Variants in PDZRN4 observed in about 807,000 individuals in gnomAD.
PDZRN4 encodes PDZ domain containing ring finger 4, also known as PDZ domain-containing RING finger protein 4.
Under a neutral mutation model 99.0 loss-of-function variants are expected in PDZRN4, and 70 were observed. The observed-to-expected ratio is 0.71, with a 90% confidence interval of 0.58 to 0.86. The LOEUF (loss-of-function observed/expected upper bound fraction) is 0.86. Ranked by LOEUF, PDZRN4 falls within the 40% of genes least tolerant of loss-of-function variation. PDZRN4 has a pLI of 0.00. For missense variants in PDZRN4, 1,474 were observed against 1,331.2 expected (o/e 1.11, Z -1.67); for synonymous variants, 551 against 501.6 (o/e 1.10, Z -1.32).
At chr12:41,217,630 C>G (rs1388668843) in intron 3 of PDZRN4, among the ~76,000 whole-genome samples, 1 of 152,038 alleles carries the variant, frequency 6.6e-6, no homozygotes, top group Non-Finnish European at 1.5e-5. Flanking sequence ...TGTTAAAAAT[C>G]AGTTTAGCCT....
chr12:41,424,787 T>C (rs1388457226), intron 3 of PDZRN4, among the ~76,000 whole-genome samples: 1 of 152,176 alleles, frequency 6.6e-6, no homozygotes, highest in African/African-American at 2.4e-5. Flanking sequence ...TTCCACTATG[T>C]GACTTTGTTA....
intron 3 of PDZRN4, among the ~76,000 whole-genome samples, chr12:41,396,671 C>T (rs1952248324): frequency 6.6e-6 from 1 of 152,096 alleles, no homozygotes; most frequent in Admixed American, 6.6e-5. Flanking sequence ...AGATCCACTT[C>T]CAAGATCCAC....
intron 3 of PDZRN4, among the ~76,000 whole-genome samples, chr12:41,369,874 T>A (rs1462835238): frequency 6.6e-6 from 1 of 151,888 alleles, no homozygotes; most frequent in Non-Finnish European, 1.5e-5. Flanking sequence ...TATACCAGAT[T>A]AATCAAAATA....
chr12:41,446,555 G>A (rs932766587), intron 3 of PDZRN4, among the ~76,000 whole-genome samples: 1 of 151,712 alleles, frequency 6.6e-6, no homozygotes, highest in Non-Finnish European at 1.5e-5. Flanking sequence ...GCAAAGTTTG[G>A]GAAAGAGCAT....
At chr12:41,531,001 T>G (rs1938651376) in intron 5 of PDZRN4, among the ~76,000 whole-genome samples, 1 of 151,942 alleles carries the variant, frequency 6.6e-6, no homozygotes, top group African/African-American at 2.4e-5. Context: ...GGGGTAGATA[T>G]TTACAGCTCC....
At chr12:41,272,596 A>G (rs1335295461) in intron 3 of PDZRN4, among the ~76,000 whole-genome samples, 1 of 152,084 alleles carries the variant, frequency 6.6e-6, no homozygotes, top group African/African-American at 2.4e-5. Flanking sequence ...CTCAGGAGGC[A>G]AAGGCACTGG....
At chr12:41,275,167 G>A (rs1364329473) in intron 3 of PDZRN4, among the ~76,000 whole-genome samples, 2 of 152,054 alleles carry the variant, frequency 1.3e-5, no homozygotes, top group Non-Finnish European at 2.9e-5. Flanking sequence ...TATGCCTAAC[G>A]ACAGTTATCC....
intron 3 of PDZRN4, among the ~76,000 whole-genome samples, chr12:41,268,659 G>A (rs1449871679): frequency 6.6e-6 from 1 of 152,052 alleles, no homozygotes; most frequent in African/African-American, 2.4e-5. Flanking sequence ...CAGCACATTA[G>A]GAAATCACAT....
Position 41,269,706 on chromosome 12 carries a change from G to A in PDZRN4, c.843+75518G>A, listed in dbSNP as rs114232048. 1.0e-3 allele frequency among the ~76,000 whole-genome samples: 158 copies of A among 152,218 alleles called. 1 individual carries two copies. Among genetic ancestry groups the A allele is most frequent in the African/African-American group, 3.7e-3 (154 of 41,546 alleles). On this transcript the variant is annotated intron_variant, in intron 3 of 9. Coordinates refer to ENST00000402685, the MANE Select transcript of PDZRN4 (RefSeq NM_001164595.2). ...AAGACTCTATATGCCATATTTTGAA[G>A]TTTTCCACTGTATCAGACTGTGTTG... is the stretch of plus-strand genomic sequence containing the variant.
chr12:41,513,090 T>C (rs1938336981), intron 5 of PDZRN4, among the ~76,000 whole-genome samples: 1 of 152,076 alleles, frequency 6.6e-6, no homozygotes, highest in Admixed American at 6.6e-5. Flanking sequence ...AGTACTTATA[T>C]ACAGACTTAG....
At chr12:41,492,519 T>C (rs1295094244) in intron 3 of PDZRN4, among the ~76,000 whole-genome samples, 1 of 152,166 alleles carries the variant, frequency 6.6e-6, no homozygotes, top group African/African-American at 2.4e-5. Context: ...AACTTTGCTT[T>C]GTGATTTGAG....
At chr12:41,467,620 G>A (rs1388479878) in intron 3 of PDZRN4, among the ~76,000 whole-genome samples, 1 of 152,172 alleles carries the variant, frequency 6.6e-6, no homozygotes, top group Non-Finnish European at 1.5e-5. Context: ...GAACACAGCA[G>A]TGTTTTGCAG....
At chr12:41,414,939 T>G (rs972197719) in intron 3 of PDZRN4, among the ~76,000 whole-genome samples, 2 of 152,084 alleles carry the variant, frequency 1.3e-5, no homozygotes, top group African/African-American at 4.8e-5. Flanking sequence ...AGAGCACATG[T>G]GAAGAACTGA....
chr12:41,197,386 A>C (rs1950780289), intron 3 of PDZRN4, among the ~76,000 whole-genome samples: 1 of 152,176 alleles, frequency 6.6e-6, no homozygotes, highest in Non-Finnish European at 1.5e-5. Context: ...AGAATAAAAA[A>C]TTACTGTCAT....
chr12:41,310,490 G>A (rs1951599542), intron 3 of PDZRN4, among the ~76,000 whole-genome samples: 1 of 151,660 alleles, frequency 6.6e-6, no homozygotes, highest in Non-Finnish European at 1.5e-5. Context: ...TTCCACACTT[G>A]CGAAGAGGAT....
rs545471317 is a variant in PDZRN4, at chr12:41,471,408, G to C, written c.844-35048G>C. On this transcript the variant is annotated intron_variant, in intron 3 of 9. Coordinates refer to ENST00000402685, the MANE Select transcript of PDZRN4 (RefSeq NM_001164595.2). ...GTTGCCACATTTGAAAATATATTAG[G>C]ATAGCTGAATTTAGCTTTTAAAAGG... is the stretch of plus-strand genomic sequence containing the variant. 6.6e-5 allele frequency among the ~76,000 whole-genome samples: 10 copies of C among 152,128 alleles called. 2 individuals carry two copies. Among genetic ancestry groups the C allele is most frequent in the African/African-American group, 2.4e-4 (10 of 41,534 alleles).
At chr12:41,503,647 G>A (rs761859211) in intron 3 of PDZRN4, among the ~76,000 whole-genome samples, 7 of 152,064 alleles carry the variant, frequency 4.6e-5, no homozygotes, top group South Asian at 2.1e-4. Context: ...CTGTTGCTTC[G>A]AAGATCACTG....
At chr12:41,466,439 G>A (rs553390628) in intron 3 of PDZRN4, among the ~76,000 whole-genome samples, 20 of 152,296 alleles carry the variant, frequency 1.3e-4, no homozygotes, top group Non-Finnish European at 2.4e-4. Flanking sequence ...CCCAGAGGAG[G>A]GAGGAGGGTA....
intron 3 of PDZRN4, among the ~76,000 whole-genome samples, chr12:41,284,237 A>G (rs565432292): frequency 6.6e-6 from 1 of 152,336 alleles, no homozygotes; most frequent in African/African-American, 2.4e-5. Flanking sequence ...AAAGAGCCAA[A>G]TCATGAGCAA....
Sources: gnomAD v4.1 joint callset for allele counts (sites outside exome capture counted in the v4.1 genomes callset) on GRCh38, gnomAD v4.1.1 for gene constraint, MANE v1.5 for transcripts, NCBI Gene and HGNC (gene_info 2026-07-23, HGNC 2026-07-21) for gene names.